VPS37A: variants seen among roughly 807,000 people sequenced by gnomAD.
VPS37A encodes the protein vacuolar protein sorting-associated protein 37A.
A neutral mutation model predicts 49.8 loss-of-function variants in VPS37A; 30 were observed. The ratio of observed to expected loss-of-function variants is 0.60; its 90% CI spans 0.45 to 0.82. The LOEUF (loss-of-function observed/expected upper bound fraction) is 0.82, where lower values mean the gene tolerates loss of function less well. Ranked by LOEUF, VPS37A falls within the 40% of genes least tolerant of loss-of-function variation. VPS37A has a pLI of 0.00. For missense variants in VPS37A, 593 were observed against 464.4 expected (o/e 1.28, Z -2.55); for synonymous variants, 195 against 160.6 (o/e 1.21, Z -1.62).
At chr8:17,306,767 A>G (rs138145422), downstream of VPS37A, among the ~76,000 whole-genome samples, 132 of 152,354 alleles carry the variant, frequency 8.7e-4, 2 homozygotes, top group African/African-American at 3.1e-3. Flanking sequence ...GAAATTGTCT[A>G]GAAACTTCTC....
At chr8:17,311,767 G>A in the VPS37A span, 2 of 1,400,234 alleles carry the variant, frequency 1.4e-6, no homozygotes, top group Non-Finnish European at 1.9e-6. Flanking sequence ...CCATTCGTCT[G>A]TTTAGGGCCC....
intron 1 of VPS37A, among the ~76,000 whole-genome samples, chr8:17,250,064 C>T (rs1056571009): frequency 6.6e-5 from 10 of 152,260 alleles, no homozygotes; most frequent in African/African-American, 2.2e-4. Flanking sequence ...GAGTGAGGGT[C>T]TTCAGGGCGG....
At chr8:17,332,050 T>A in the VPS37A span, among the ~76,000 whole-genome samples, 4 of 152,174 alleles carry the variant, frequency 2.6e-5, no homozygotes, top group African/African-American at 9.7e-5. Context: ...GGACAAGTCC[T>A]ACTTTAGCTG....
chr8:17,277,193 A>G (rs984584604), intron 6 of VPS37A, among the ~76,000 whole-genome samples: 2 of 152,068 alleles, frequency 1.3e-5, no homozygotes. Context: ...GTTTAAAAAG[A>G]GTTTAAATTT....
the VPS37A span, chr8:17,313,440 A>G: frequency 1.5e-6 from 2 of 1,308,176 alleles, no homozygotes; most frequent in African/African-American, 1.5e-5. Flanking sequence ...AAATTAAGGT[A>G]CTCTCTCATT....
chr8:17,286,419 C>G lies in VPS37A; in HGVS notation c.1186C>G (p.Pro396Ala). ...AGCAATGCACAGCCAATTTCATGCT[C>G]CACTATAGGTAAATTGTATTTCAAG... The part of the protein sequence containing the change: ...AIAMHSQFHA[P>A]L Residue 396 changes from proline (P) to alanine (A), a missense_variant, in exon 11 of 12, where the codon CCA becomes GCA. Pro to Ala is a conservative substitution (Grantham distance 27). Transcript: ENST00000324849. The G allele has an allele frequency of 6.2e-7, 1 of 1,613,436 alleles. No individual in the cohort carries two copies. The highest frequency in any genetic ancestry group is 8.5e-7 in the Non-Finnish European group (1 of 1,179,650).
intron 10 of VPS37A, 46 bp from the exon 11 acceptor site, chr8:17,286,301 A>G (rs925735655): frequency 2.0e-6 from 3 of 1,502,316 alleles, no homozygotes; most frequent in Non-Finnish European, 2.8e-6. Context: ...AGTAGTAGGC[A>G]TATCTTTGTA....
At chr8:17,278,704 T>C (rs958489260) in intron 6 of VPS37A, among the ~76,000 whole-genome samples, 1 of 152,084 alleles carries the variant, frequency 6.6e-6, no homozygotes, top group Non-Finnish European at 1.5e-5. Flanking sequence ...TTTGTTTTTG[T>C]TTTTTACAGT....
At chr8:17,259,306 A>C (rs574486980) in intron 1 of VPS37A, among the ~76,000 whole-genome samples, 2 of 151,878 alleles carry the variant, frequency 1.3e-5, no homozygotes, top group Non-Finnish European at 2.9e-5. Flanking sequence ...ACTTTTTAAA[A>C]TTTACTTTTT....
chr8:17,289,799 G>A (rs1224643018), intron 11 of VPS37A, among the ~76,000 whole-genome samples: 2 of 152,206 alleles, frequency 1.3e-5, no homozygotes, highest in East Asian at 1.9e-4. Context: ...TGGTCAGTAT[G>A]GCCGTTATCA....
rs1811300019 is a variant in VPS37A at position 17,247,170 on chromosome 8, A to G, written c.-75A>G. The G allele has an allele frequency of 7.1e-6, 11 of 1,545,030 alleles. No homozygotes were observed. Among genetic ancestry groups the G allele is most frequent in the Non-Finnish European group, 9.6e-6 (11 of 1,145,276 alleles). On this transcript the variant is annotated 5_prime_UTR_variant, in exon 1 of 12. Coordinates refer to ENST00000324849, the MANE Select transcript of VPS37A (RefSeq NM_152415.3). ...TCCCACCCCGCTCCTCTGTCGCTGG[A>G]GAACCGCCGGGCCGAGCCACTGGGA...
the VPS37A span, among the ~76,000 whole-genome samples, chr8:17,331,570 G>T: frequency 6.6e-5 from 10 of 152,182 alleles, no homozygotes; most frequent in African/African-American, 2.4e-4. Context: ...CCCCGTCAGA[G>T]ATGCCAAACT....
intron 5 of VPS37A, among the ~76,000 whole-genome samples, chr8:17,275,969 A>C (rs1029062299): frequency 2.0e-5 from 3 of 152,178 alleles, no homozygotes; most frequent in Non-Finnish European, 2.9e-5. Flanking sequence ...ATATATATTC[A>C]AACAGTGGCT....
At chr8:17,274,126 T>A (rs1279885122) in intron 4 of VPS37A, among the ~76,000 whole-genome samples, 1 of 152,240 alleles carries the variant, frequency 6.6e-6, no homozygotes, top group Non-Finnish European at 1.5e-5. Context: ...ATATTTGTTA[T>A]CTTGCAAAAA....
chr8:17,261,587 C>A (rs143039237), intron 1 of VPS37A, among the ~76,000 whole-genome samples: 2 of 152,156 alleles, frequency 1.3e-5, no homozygotes, highest in African/African-American at 4.8e-5. Flanking sequence ...TCTTCTCTCT[C>A]TGGCTTGTTT....
At chr8:17,318,312 T>G in the VPS37A span, among the ~76,000 whole-genome samples, 57 of 152,158 alleles carry the variant, frequency 3.7e-4, no homozygotes, top group African/African-American at 1.3e-3. Flanking sequence ...GAGCAGCGCT[T>G]CCACAGTTCT....
At chr8:17,280,512 C>A (rs774275176) in intron 9 of VPS37A, 69 bp downstream of exon 9, 2 of 1,384,120 alleles carry the variant, frequency 1.4e-6, no homozygotes, top group Non-Finnish European at 2.0e-6. Flanking sequence ...GAGTCCTGAT[C>A]TCACTTTCAT....
At chr8:17,312,317 G>A in the VPS37A span, among the ~76,000 whole-genome samples, 8 of 152,156 alleles carry the variant, frequency 5.3e-5, no homozygotes, top group Non-Finnish European at 1.2e-4. Flanking sequence ...GCTCACGCAT[G>A]TAATCCCAGC....
chr8:17,267,151 A>T (rs550927053), intron 2 of VPS37A, among the ~76,000 whole-genome samples: 1 of 152,180 alleles, frequency 6.6e-6, no homozygotes, highest in African/African-American at 2.4e-5. Flanking sequence ...ACTGGGCTCC[A>T]AAGGCCATTT....
Sources: gnomAD v4.1 joint callset for allele counts (sites outside exome capture counted in the v4.1 genomes callset) on GRCh38, gnomAD v4.1.1 for gene constraint, MANE v1.5 for transcripts, NCBI Gene and HGNC (gene_info 2026-07-23, HGNC 2026-07-21) for gene names.